SOX6: variants seen among roughly 807,000 people sequenced by gnomAD.
SOX6 encodes the protein SRY-box transcription factor 6.
Under a neutral mutation model 97.8 loss-of-function variants are expected in SOX6, and 11 were observed. That is an observed-to-expected ratio of 0.11 (90% CI 0.07 to 0.19). The LOEUF is 0.19. SOX6 is among the 10% of genes least tolerant of loss of function. The pLI, the probability that SOX6 is intolerant of heterozygous loss-of-function variation, is 1.00. For missense variants in SOX6, 810 were observed against 1,039.5 expected (o/e 0.78, Z 3.04); for synonymous variants, 360 against 371.4 (o/e 0.97, Z 0.35).
At chr11:16,184,587 G>T (rs1009993616) in intron 5 of SOX6, among the ~76,000 whole-genome samples, 1 of 152,050 alleles carries the variant, frequency 6.6e-6, no homozygotes, top group East Asian at 1.9e-4. Flanking sequence ...TCATAGTACA[G>T]GATCTATATA....
intron 12 of SOX6, among the ~76,000 whole-genome samples, chr11:16,021,291 T>C (rs929620508): frequency 6.6e-6 from 1 of 152,184 alleles, no homozygotes; most frequent in African/African-American, 2.4e-5. Flanking sequence ...AGATATTCTG[T>C]CTCTTACTCT....
At chr11:16,641,748 C>T (rs1230742802) in intron 3 of SOX6, among the ~76,000 whole-genome samples, 42 of 151,762 alleles carry the variant, frequency 2.8e-4, no homozygotes, top group African/African-American at 1.0e-3. Context: ...TTTTTGTTTT[C>T]CATTTGCTTG....
chr11:16,215,109 T>C (rs1031010632), intron 4 of SOX6, among the ~76,000 whole-genome samples: 1 of 152,202 alleles, frequency 6.6e-6, no homozygotes, highest in East Asian at 1.9e-4. Flanking sequence ...AAAATAATAA[T>C]GTCCTCTATA....
chr11:16,101,707 T>C (rs769927311), intron 7 of SOX6, among the ~76,000 whole-genome samples: 1 of 151,794 alleles, frequency 6.6e-6, no homozygotes, highest in Non-Finnish European at 1.5e-5. Flanking sequence ...ATACTAGGGA[T>C]GCAGGGATGG....
chr11:16,514,693 C>G (rs1256004917), intron 4 of SOX6, among the ~76,000 whole-genome samples: 1 of 109,900 alleles, frequency 9.1e-6, no homozygotes, highest in African/African-American at 3.5e-5. Context: ...CTATCCCTCC[C>G]CCCTCCCCCC....
At chr11:16,692,709 T>C (rs1013219727) in intron 3 of SOX6, among the ~76,000 whole-genome samples, 2 of 152,234 alleles carry the variant, frequency 1.3e-5, no homozygotes, top group African/African-American at 2.4e-5. Context: ...ATTTTTCATA[T>C]CATTACATAT....
At chr11:16,421,079 G>A (rs1258190894) in intron 1 of SOX6, among the ~76,000 whole-genome samples, 1 of 152,172 alleles carries the variant, frequency 6.6e-6, no homozygotes, top group Non-Finnish European at 1.5e-5. Flanking sequence ...TTTGAACCAT[G>A]TTTCCCTTTT....
intron 6 of SOX6, among the ~76,000 whole-genome samples, chr11:16,118,478 G>T (rs1270051163): frequency 1.3e-5 from 2 of 152,172 alleles, no homozygotes; most frequent in African/African-American, 4.8e-5. Flanking sequence ...TATCCCCTTT[G>T]TTTTCTCTGT....
chr11:16,297,388 C>A (rs1276790040), intron 3 of SOX6, among the ~76,000 whole-genome samples: 1 of 152,002 alleles, frequency 6.6e-6, no homozygotes, highest in Non-Finnish European at 1.5e-5. Context: ...GACAAGTGTT[C>A]GGTAATATTT....
chr11:16,460,163 A>G (rs1859894038), intron 1 of SOX6, among the ~76,000 whole-genome samples: 1 of 152,096 alleles, frequency 6.6e-6, no homozygotes, highest in Admixed American at 6.6e-5. Context: ...TAAATCAATC[A>G]GTATATTTAA....
intron 1 of SOX6, among the ~76,000 whole-genome samples, chr11:16,362,225 A>C (rs1178278327): frequency 6.6e-6 from 1 of 152,180 alleles, no homozygotes; most frequent in African/African-American, 2.4e-5. Context: ...ACAATGACTA[A>C]AGCATTGGAA....
chr11:16,431,472 G>T (rs1728938648), intron 1 of SOX6, among the ~76,000 whole-genome samples: 1 of 151,988 alleles, frequency 6.6e-6, no homozygotes. Context: ...TGAAGTTCTG[G>T]TCATCTCATA....
At chr11:16,387,703 C>T (rs1858033207) in intron 1 of SOX6, among the ~76,000 whole-genome samples, 1 of 151,956 alleles carries the variant, frequency 6.6e-6, no homozygotes, top group Non-Finnish European at 1.5e-5. Flanking sequence ...AATTAATGCA[C>T]AGTTAGAATT....
chr11:16,432,040 A>G (rs1018182412), intron 1 of SOX6, among the ~76,000 whole-genome samples: 5 of 152,098 alleles, frequency 3.3e-5, no homozygotes, highest in African/African-American at 9.6e-5. Context: ...TAGCAAACCA[A>G]TCACCACTAA....
intron 13 of SOX6, among the ~76,000 whole-genome samples, chr11:15,989,872 T>C (rs1357641701): frequency 6.6e-6 from 1 of 152,078 alleles, no homozygotes; most frequent in Non-Finnish European, 1.5e-5. Flanking sequence ...GACAGACAAT[T>C]ATAACAAAGT....
At chr11:16,050,075 CT>C (rs1229848060) in intron 10 of SOX6, 137 bp from the exon 11 acceptor site, 5 of 877,282 alleles carry the variant, frequency 5.7e-6, no homozygotes, top group Non-Finnish European at 9.2e-6. Context: ...AGCTAATTAT[CT>C]ACCTCCTTGA....
intron 6 of SOX6, among the ~76,000 whole-genome samples, chr11:16,160,072 C>A (rs189740069): frequency 6.6e-6 from 1 of 152,072 alleles, no homozygotes; most frequent in Non-Finnish European, 1.5e-5. Context: ...ATGTAACGTA[C>A]AAGGCTGCTG....
intron 4 of SOX6, among the ~76,000 whole-genome samples, chr11:16,514,628 A>G (rs965594051): frequency 2.0e-5 from 3 of 151,606 alleles, no homozygotes; most frequent in South Asian, 2.1e-4. Flanking sequence ...CATGTGCCAC[A>G]CTGGTGCGCT....
At chr11:16,611,442 A>C (rs1184432724) in intron 4 of SOX6, among the ~76,000 whole-genome samples, 2 of 152,220 alleles carry the variant, frequency 1.3e-5, no homozygotes, top group Non-Finnish European at 2.9e-5. Flanking sequence ...CCAAACACTG[A>C]GAAGAACTTT....
Sources: allele counts gnomAD v4.1 joint callset (sites outside exome capture counted in the v4.1 genomes callset), GRCh38; gene constraint gnomAD v4.1.1; transcripts MANE v1.5; gene names NCBI Gene and HGNC (gene_info 2026-07-23, HGNC 2026-07-21).